Variants in MUC7 observed in about 807,000 individuals in gnomAD.
The protein encoded by MUC7 is mucin-7.
In MUC7, 2 loss-of-function variants were observed where a neutral mutation model predicts 2.5. The ratio of observed to expected loss-of-function variants is 0.81; its 90% CI spans 0.33 to 2.55. MUC7 has a LOEUF of 2.55. Ranked by LOEUF, MUC7 falls within the 30% of genes most tolerant of loss-of-function variation. The pLI is 0.11. For missense variants in MUC7, 408 were observed against 455.6 expected, an observed-to-expected ratio of 0.90 and a Z score of 0.95; for synonymous variants, 133 against 173.4, an observed-to-expected ratio of 0.77 and a Z score of 1.83.
At chr4:70,471,133 C>T (rs553838626), upstream of MUC7, among the ~76,000 whole-genome samples, 55 of 152,214 alleles carry the variant, frequency 3.6e-4, no homozygotes, top group African/African-American at 1.1e-3. Flanking sequence ...AAACTGTATT[C>T]CAGATTAACG....
At chr4:70,453,273 T>C (rs947316184) in intron 1 of MUC7, among the ~76,000 whole-genome samples, 34 of 152,244 alleles carry the variant, frequency 2.2e-4, no homozygotes, top group African/African-American at 7.7e-4. Flanking sequence ...AAACAGGGAC[T>C]AGAGTCAAAA....
chr4:70,455,234 A>G (rs1009378543), intron 1 of MUC7, among the ~76,000 whole-genome samples: 2 of 152,192 alleles, frequency 1.3e-5, no homozygotes, highest in Non-Finnish European at 2.9e-5. Flanking sequence ...AAGAACAGCA[A>G]AAAGTACAAA....
At chr4:70,475,854 G>A (rs1734985497) in intron 2 of MUC7, among the ~76,000 whole-genome samples, 1 of 152,104 alleles carries the variant, frequency 6.6e-6, no homozygotes, top group Non-Finnish European at 1.5e-5. Context: ...CTGATGAAGT[G>A]GACGGAATTT....
chr4:70,431,672 T>G (rs1426861628), intron 1 of MUC7, among the ~76,000 whole-genome samples: 4 of 152,184 alleles, frequency 2.6e-5, no homozygotes, highest in African/African-American at 9.7e-5. Flanking sequence ...GTAGTAACAT[T>G]AGATGAATAT....
intron 1 of MUC7, among the ~76,000 whole-genome samples, chr4:70,436,887 G>T (rs1010452703): frequency 6.6e-6 from 1 of 152,128 alleles, no homozygotes; most frequent in Admixed American, 6.5e-5. Context: ...GTTTTGGTGT[G>T]GATGTCCTTT....
Position 70,478,422 on chromosome 4 carries a change from C to T in MUC7, c.55-2377C>T, listed in dbSNP as rs191655407. Among the ~76,000 whole-genome samples the T allele has an allele frequency of 3.9e-5, 6 of 152,196 alleles. No homozygotes were observed. In the East Asian group the frequency reaches 9.7e-4, roughly 24 times the overall value. Reference sequence around the variant, plus strand: ...GGCTCATGTGATTAAGGGAATGAACCACATAACTATTTCAAAGCAAATAAA... The same window carrying T: ...GGCTCATGTGATTAAGGGAATGAACTACATAACTATTTCAAAGCAAATAAA... On this transcript the variant is annotated intron_variant, in intron 2 of 2. Transcript: ENST00000304887.
At chr4:70,452,454 T>C (rs147298247) in intron 1 of MUC7, among the ~76,000 whole-genome samples, 1 of 152,196 alleles carries the variant, frequency 6.6e-6, no homozygotes, top group East Asian at 1.9e-4. Context: ...CCATGAGGCT[T>C]ACAAATAATA....
chr4:70,481,660 G>A lies in MUC7; in HGVS notation c.916G>A (p.Ala306Thr). The change falls in exon 3 of 3, where the codon GCC becomes ACC. Residue 306 changes from alanine to threonine, a missense_variant. Around this residue, in one of 3 missense-constraint regions of MUC7, gnomAD observed 175 missense variants for 187.1 expected, o/e 0.94. Coordinates refer to ENST00000304887, the MANE Select transcript of MUC7 (RefSeq NM_152291.3). ...SSPAPQETTA[A>T]PITTPNSSPT... is the part of the protein sequence containing the mutation. ...CCCAGCTCCACAAGAGACCACAGCT[G>A]CCCCAATTACCACACCTAATTCTTC... 6.2e-7 allele frequency: 1 copy of A among 1,613,874 alleles called. No individual in the cohort carries two copies. The highest frequency in any genetic ancestry group is 8.5e-7 in the Non-Finnish European group (1 of 1,179,982).
upstream of MUC7, among the ~76,000 whole-genome samples, chr4:70,468,227 C>G (rs1423942887): frequency 1.3e-5 from 2 of 152,124 alleles, no homozygotes; most frequent in African/African-American, 4.8e-5. Flanking sequence ...TAAAAACTCT[C>G]AATAAACTAG....
At chr4:70,470,315 G>A (rs1432906586), upstream of MUC7, among the ~76,000 whole-genome samples, 4 of 152,130 alleles carry the variant, frequency 2.6e-5, no homozygotes, top group African/African-American at 7.2e-5. Context: ...TAGGTGACAG[G>A]TTGATGGGTG....
intron 1 of MUC7, among the ~76,000 whole-genome samples, chr4:70,444,247 T>C (rs185366634): frequency 2.4e-4 from 37 of 152,330 alleles, no homozygotes; most frequent in Non-Finnish European, 5.0e-4. Flanking sequence ...TGACATTTGA[T>C]GCTTTAAACC....
chr4:70,432,109 G>A (rs574140802), intron 1 of MUC7, among the ~76,000 whole-genome samples: 46 of 152,264 alleles, frequency 3.0e-4, no homozygotes, highest in African/African-American at 9.9e-4. Context: ...AGTATTCCAT[G>A]GTGTATATGT....
chr4:70,447,625 T>A (rs182169041), intron 1 of MUC7, among the ~76,000 whole-genome samples: 1 of 152,274 alleles, frequency 6.6e-6, no homozygotes, highest in East Asian at 1.9e-4. Flanking sequence ...TTAACTGATT[T>A]GTTCTTTTTT....
intron 1 of MUC7, among the ~76,000 whole-genome samples, chr4:70,464,550 A>C (rs1734633713): frequency 6.6e-6 from 1 of 152,130 alleles, no homozygotes; most frequent in South Asian, 2.1e-4. Flanking sequence ...GGGAATCTCA[A>C]GCGTGGTCGG....
upstream of MUC7, among the ~76,000 whole-genome samples, chr4:70,468,808 T>G (rs1734747321): frequency 6.6e-6 from 1 of 152,064 alleles, no homozygotes; most frequent in South Asian, 2.1e-4. Context: ...GAAGAATCAA[T>G]ATCATCAAAA....
chr4:70,469,874 G>T (rs562496885), upstream of MUC7, among the ~76,000 whole-genome samples: 1 of 152,296 alleles, frequency 6.6e-6, no homozygotes, highest in Admixed American at 6.5e-5. Context: ...TCTAGAACCA[G>T]AAATATCGTT....
chr4:70,434,536 G>C (rs1733774616), intron 1 of MUC7, among the ~76,000 whole-genome samples: 1 of 152,104 alleles, frequency 6.6e-6, no homozygotes, highest in Admixed American at 6.5e-5. Flanking sequence ...TCTGATGGTA[G>C]CTTATATTTC....
intron 1 of MUC7, among the ~76,000 whole-genome samples, chr4:70,438,497 A>T (rs780904852): frequency 7.9e-5 from 12 of 151,976 alleles, no homozygotes; most frequent in Admixed American, 1.3e-4. Context: ...TCACTCTGTC[A>T]CCAGGTTGGA....
In MUC7 at chr4:70,481,074, A is replaced by G; in HGVS notation, c.330A>G (p.Gln110=). 6.2e-7 allele frequency: 1 copy of G among 1,614,038 alleles called. No individual in the cohort carries two copies. Among genetic ancestry groups the G allele is most frequent in the Non-Finnish European group, 8.5e-7 (1 of 1,180,014 alleles). The change falls in exon 3 of 3, where the codon CAA becomes CAG. Residue 110 remains glutamine, a synonymous_variant. Coordinates refer to ENST00000304887, the MANE Select transcript of MUC7 (RefSeq NM_152291.3). The part of the protein sequence containing the change: ...VVNPTLVATT[Q]IPSVTFPSAS... Reference sequence around the variant, plus strand: ...ACCCTACCTTAGTGGCTACAACCCAAATTCCATCTGTGACTTTCCCATCAG... The same window carrying G: ...ACCCTACCTTAGTGGCTACAACCCAGATTCCATCTGTGACTTTCCCATCAG...
Sources: gnomAD v4.1 joint callset for allele counts (sites outside exome capture counted in the v4.1 genomes callset) on GRCh38, gnomAD v4.1.1 for gene constraint, gnomAD v4.1.1 regional missense constraint, MANE v1.5 for transcripts, NCBI Gene and HGNC (gene_info 2026-07-23, HGNC 2026-07-21) for gene names.